The following CDH13 variants were observed in gnomAD, a reference collection of about 807,000 sequenced individuals.
The protein encoded by CDH13 is cadherin 13, also known as cadherin-13.
In CDH13, 24 loss-of-function variants were observed where a neutral mutation model predicts 63.8. The ratio of observed to expected loss-of-function variants is 0.38; its 90% confidence interval spans 0.27 to 0.53. The LOEUF (loss-of-function observed/expected upper bound fraction) is 0.53, where lower values mean the gene tolerates loss of function less well. Ranked by LOEUF, CDH13 falls within the 20% of genes least tolerant of loss-of-function variation. The probability of loss-of-function intolerance (pLI) is 0.85; values close to 1 mark genes in which losing one functional copy is unlikely to be tolerated. For missense variants in CDH13, 1,049 were observed against 903.1 expected, an observed-to-expected ratio of 1.16 and a Z score of -2.07; for synonymous variants, 503 against 355.3, an observed-to-expected ratio of 1.42 and a Z score of -4.67.
At chr16:83,691,065 CT>C (rs1904812548) in intron 10 of CDH13, among the ~76,000 whole-genome samples, 1 of 143,930 alleles carries the variant, frequency 6.9e-6, no homozygotes, top group African/African-American at 2.6e-5. Flanking sequence ...TGCTAACCAA[CT>C]GTGCCGTGTG....
intron 4 of CDH13, among the ~76,000 whole-genome samples, chr16:83,208,739 C>T (rs1187567262): frequency 6.6e-6 from 1 of 152,126 alleles, no homozygotes. Context: ...GTTTTGCACC[C>T]TTGTGATAAT....
chr16:82,831,569 G>C (rs1358180801), intron 1 of CDH13, among the ~76,000 whole-genome samples: 3 of 152,060 alleles, frequency 2.0e-5, no homozygotes, highest in African/African-American at 7.2e-5. Context: ...GCTGAGGTGA[G>C]GACCCCAGCT....
chr16:83,360,989 T>C (rs1053113611), intron 6 of CDH13, among the ~76,000 whole-genome samples: 1 of 152,188 alleles, frequency 6.6e-6, no homozygotes, highest in Admixed American at 6.5e-5. Flanking sequence ...ATTGCTTGTT[T>C]TAAGTGCTTT....
intron 1 of CDH13, among the ~76,000 whole-genome samples, chr16:82,724,618 A>C (rs1402908300): frequency 2.0e-5 from 3 of 152,094 alleles, no homozygotes; most frequent in Non-Finnish European, 4.4e-5. Context: ...GACTTGAAGG[A>C]GTTCACACTG....
chr16:83,310,364 G>A (rs982775184), intron 5 of CDH13, among the ~76,000 whole-genome samples: 7 of 152,208 alleles, frequency 4.6e-5, no homozygotes, highest in African/African-American at 1.7e-4. Flanking sequence ...AAAATGAGTA[G>A]TGGAAATAGT....
chr16:83,459,107 GT>G (rs1288674526), intron 6 of CDH13, among the ~76,000 whole-genome samples: 1 of 152,164 alleles, frequency 6.6e-6, no homozygotes, highest in Non-Finnish European at 1.5e-5. Flanking sequence ...TGTTTGTTTG[GT>G]TTTTAAATAT....
At chr16:83,356,154 G>A (rs959768461) in intron 6 of CDH13, among the ~76,000 whole-genome samples, 1 of 151,172 alleles carries the variant, frequency 6.6e-6, no homozygotes, top group Non-Finnish European at 1.5e-5. Context: ...TTCCAAAGTT[G>A]CTACCTTAAA....
intron 7 of CDH13, among the ~76,000 whole-genome samples, chr16:83,506,754 C>T (rs1231335897): frequency 6.6e-6 from 1 of 152,188 alleles, no homozygotes; most frequent in African/African-American, 2.4e-5. Context: ...AAGCCAAATG[C>T]CGTGTTGTAG....
At chr16:83,237,894 G>T (rs1014952913) in intron 5 of CDH13, among the ~76,000 whole-genome samples, 9 of 152,170 alleles carry the variant, frequency 5.9e-5, no homozygotes, top group African/African-American at 2.2e-4. Flanking sequence ...ACTTATATAT[G>T]TCTTATGCAG....
intron 4 of CDH13, among the ~76,000 whole-genome samples, chr16:83,199,001 T>A (rs1040266981): frequency 2.0e-5 from 3 of 152,220 alleles, no homozygotes; most frequent in African/African-American, 7.2e-5. Context: ...TTTACTACTG[T>A]GATAAGCTTA....
intron 1 of CDH13, among the ~76,000 whole-genome samples, chr16:82,665,275 G>A (rs969889774): frequency 6.6e-6 from 1 of 152,184 alleles, no homozygotes; most frequent in Non-Finnish European, 1.5e-5. Context: ...CAAGAAGGCT[G>A]TGATGTGTCT....
chr16:82,960,575 C>T (rs149575413), intron 2 of CDH13, among the ~76,000 whole-genome samples: 1 of 152,306 alleles, frequency 6.6e-6, no homozygotes, highest in East Asian at 1.9e-4. Context: ...TCCACTTGAT[C>T]TCAAGAACAA....
At position 83,008,440 on chromosome 16, in the gene CDH13, G is replaced by T. The variant is rs537631483; in HGVS notation, c.158-23570G>T. Among the ~76,000 whole-genome samples the T allele has an allele frequency of 3.9e-5, 6 of 152,306 alleles. No homozygotes were observed. In the South Asian group the frequency reaches 6.2e-4, roughly 16 times the overall value. On this transcript the variant is annotated intron_variant, in intron 2 of 13. Transcript: ENST00000567109. ...GCCCTGAGGCGGAGAATGCCTGGGG[G>T]ATTGAGGAAGAACTAGGAGACCAGT...
intron 8 of CDH13, among the ~76,000 whole-genome samples, chr16:83,645,223 G>T (rs1046056389): frequency 2.6e-5 from 4 of 152,212 alleles, no homozygotes; most frequent in African/African-American, 9.6e-5. Flanking sequence ...CCATAAAAAA[G>T]AATGAAATCC....
At chr16:82,738,433 T>G (rs1424507559) in intron 1 of CDH13, among the ~76,000 whole-genome samples, 1 of 152,226 alleles carries the variant, frequency 6.6e-6, no homozygotes, top group Non-Finnish European at 1.5e-5. Context: ...GAAATCTCTC[T>G]CATTCTCACC....
At chr16:83,541,840 G>A (rs2075300968) in intron 7 of CDH13, among the ~76,000 whole-genome samples, 1 of 152,210 alleles carries the variant, frequency 6.6e-6, no homozygotes, top group South Asian at 2.1e-4. Context: ...CTTCTCCTAT[G>A]AGAATGTATA....
At chr16:83,215,222 G>A (rs1344187838) in intron 4 of CDH13, among the ~76,000 whole-genome samples, 2 of 151,552 alleles carry the variant, frequency 1.3e-5, no homozygotes, top group Non-Finnish European at 2.9e-5. Flanking sequence ...GATTACAGGT[G>A]TGCGCCATCA....
At chr16:83,394,088 T>C (rs1567641171) in intron 6 of CDH13, among the ~76,000 whole-genome samples, 1 of 151,932 alleles carries the variant, frequency 6.6e-6, no homozygotes, top group Non-Finnish European at 1.5e-5. Context: ...TGGGTCCTAC[T>C]TGAGGGTGGA....
At chr16:83,077,581 G>T (rs189240365) in intron 3 of CDH13, among the ~76,000 whole-genome samples, 2 of 152,220 alleles carry the variant, frequency 1.3e-5, no homozygotes, top group East Asian at 1.9e-4. Flanking sequence ...CTGGTCACTT[G>T]TATAGACCAT....
Sources: allele counts gnomAD v4.1 joint callset (sites outside exome capture counted in the v4.1 genomes callset), GRCh38; gene constraint gnomAD v4.1.1; transcripts MANE v1.5; gene names NCBI Gene and HGNC (gene_info 2026-07-23, HGNC 2026-07-21).